The following LRFN5 variants were observed in gnomAD, a reference collection of about 807,000 sequenced individuals.
LRFN5 encodes the protein leucine rich repeat and fibronectin type III domain containing 5.
A neutral mutation model predicts 45.6 loss-of-function variants in LRFN5; 24 were observed. The ratio of observed to expected loss-of-function variants is 0.53; its 90% CI spans 0.38 to 0.74. LRFN5 has a LOEUF of 0.74. Among genes scored for constraint, LRFN5 ranks in the 30% least tolerant of loss-of-function variants. LRFN5 has a pLI of 0.00. For synonymous variants in LRFN5, 340 were observed against 313.8 expected (o/e 1.08, Z -0.88); for missense variants, 776 against 861.5 (o/e 0.90, Z 1.24).
intron 1 of LRFN5, among the ~76,000 whole-genome samples, chr14:41,624,896 GC>G (rs1232912496): frequency 6.6e-6 from 1 of 151,232 alleles, no homozygotes; most frequent in African/African-American, 2.4e-5. Context: ...TGTCCCTCCT[GC>G]TTCTTAATTT....
At chr14:41,663,458 G>A (rs1880750350) in intron 1 of LRFN5, among the ~76,000 whole-genome samples, 1 of 152,040 alleles carries the variant, frequency 6.6e-6, no homozygotes, top group Non-Finnish European at 1.5e-5. Context: ...TGTTTACAGG[G>A]AAGTAAGTCT....
intron 1 of LRFN5, among the ~76,000 whole-genome samples, chr14:41,704,777 T>C (rs1334968420): frequency 1.3e-5 from 2 of 152,108 alleles, no homozygotes; most frequent in Non-Finnish European, 2.9e-5. Flanking sequence ...TAGTTGTATA[T>C]ACAACAGGAA....
chr14:41,853,442 A>T (rs1241491988), intron 2 of LRFN5, among the ~76,000 whole-genome samples: 1 of 152,006 alleles, frequency 6.6e-6, no homozygotes, highest in Non-Finnish European at 1.5e-5. Context: ...ATATTTGACT[A>T]TAGACTTACC....
intron 1 of LRFN5, among the ~76,000 whole-genome samples, chr14:41,644,320 G>A (rs1879713647): frequency 6.6e-6 from 1 of 152,124 alleles, no homozygotes; most frequent in African/African-American, 2.4e-5. Flanking sequence ...TAAATTGGTC[G>A]TTGAATTTAT....
intron 1 of LRFN5, among the ~76,000 whole-genome samples, chr14:41,738,964 G>C (rs1884568569): frequency 6.6e-6 from 1 of 152,156 alleles, no homozygotes; most frequent in African/African-American, 2.4e-5. Flanking sequence ...TTCTTCTCAA[G>C]TATGCACGGA....
intron 1 of LRFN5, among the ~76,000 whole-genome samples, chr14:41,677,443 G>T (rs1314360027): frequency 5.9e-5 from 9 of 151,778 alleles, no homozygotes; most frequent in Non-Finnish European, 1.5e-5. Flanking sequence ...ACATATCAAA[G>T]AAACTATTAT....
At chr14:41,811,693 A>G (rs1322025507) in intron 2 of LRFN5, among the ~76,000 whole-genome samples, 1 of 152,104 alleles carries the variant, frequency 6.6e-6, no homozygotes, top group Non-Finnish European at 1.5e-5. Context: ...TTCCATTGGT[A>G]TGAAATGTCC....
intron 1 of LRFN5, among the ~76,000 whole-genome samples, chr14:41,709,531 T>C (rs1054918300): frequency 6.6e-6 from 1 of 152,092 alleles, no homozygotes. Flanking sequence ...GCTTCAAATA[T>C]TTTCCTAGTC....
chr14:41,798,007 G>C (rs1486078161), intron 2 of LRFN5, among the ~76,000 whole-genome samples: 1 of 151,732 alleles, frequency 6.6e-6, no homozygotes, highest in African/African-American at 2.4e-5. Flanking sequence ...CAAAATACAA[G>C]TGCCCCATTA....
chr14:41,827,721 A>G (rs1226222179), intron 2 of LRFN5, among the ~76,000 whole-genome samples: 1 of 152,062 alleles, frequency 6.6e-6, no homozygotes, highest in Non-Finnish European at 1.5e-5. Context: ...TAAGATTACT[A>G]TATCTTTCCA....
intron 1 of LRFN5, among the ~76,000 whole-genome samples, chr14:41,728,105 TGG>T (rs1269129125): frequency 6.6e-6 from 1 of 152,112 alleles, no homozygotes; most frequent in African/African-American, 2.4e-5. Context: ...TCACTCCTGT[TGG>T]GGGTGGTTTC....
At chr14:41,890,780 A>AT (rs1157355748) in intron 3 of LRFN5, among the ~76,000 whole-genome samples, 1 of 151,644 alleles carries the variant, frequency 6.6e-6, no homozygotes, top group Admixed American at 6.6e-5. Context: ...GTGCCATTTC[A>AT]TTTTTCTGAA....
intron 2 of LRFN5, among the ~76,000 whole-genome samples, chr14:41,847,008 A>G (rs893481296): frequency 1.3e-5 from 2 of 152,164 alleles, no homozygotes; most frequent in African/African-American, 4.8e-5. Flanking sequence ...CATAGATTCC[A>G]GGGATTAGGG....
chr14:41,815,313 A>G (rs1594434245), intron 2 of LRFN5, among the ~76,000 whole-genome samples: 1 of 152,264 alleles, frequency 6.6e-6, no homozygotes, highest in East Asian at 1.9e-4. Flanking sequence ...TATGTAATTA[A>G]TATCCTTGGT....
intron 1 of LRFN5, among the ~76,000 whole-genome samples, chr14:41,717,580 G>C (rs1241640253): frequency 6.6e-6 from 1 of 152,146 alleles, no homozygotes; most frequent in Non-Finnish European, 1.5e-5. Flanking sequence ...TCTCACCACA[G>C]CTTCCACTGT....
chr14:41,609,905 GC>G (rs1887670652), intron 1 of LRFN5, among the ~76,000 whole-genome samples: 1 of 152,182 alleles, frequency 6.6e-6, no homozygotes, highest in Non-Finnish European at 1.5e-5. Context: ...CCATATGATG[GC>G]ATTTGCAGAC....
At chr14:41,883,467 CA>C (rs1344753085) in intron 2 of LRFN5, among the ~76,000 whole-genome samples, 10 of 152,152 alleles carry the variant, frequency 6.6e-5, no homozygotes, top group African/African-American at 2.4e-4. Flanking sequence ...AGCCTAAAGA[CA>C]CTATCCTTTA....
chr14:41,817,684 A>G (rs1887967980), intron 2 of LRFN5, among the ~76,000 whole-genome samples: 1 of 152,074 alleles, frequency 6.6e-6, no homozygotes, highest in South Asian at 2.1e-4. Context: ...ACATTTCAAA[A>G]TGTTTATTTT....
intron 1 of LRFN5, among the ~76,000 whole-genome samples, chr14:41,740,460 T>A (rs61992387): frequency 0.27 from 41,569 of 151,802 alleles, 6,038 homozygotes; most frequent in South Asian, 0.42. Context: ...GAAAAAAACA[T>A]TTTCTCAATA....
Sources: allele counts gnomAD v4.1 joint callset (sites outside exome capture counted in the v4.1 genomes callset), GRCh38; gene constraint gnomAD v4.1.1; transcripts MANE v1.5; gene names NCBI Gene and HGNC (gene_info 2026-07-23, HGNC 2026-07-21).